The following GALNTL6 variants were observed in gnomAD, a reference collection of about 807,000 sequenced individuals.
The protein encoded by GALNTL6 is polypeptide N-acetylgalactosaminyltransferase-like 6.
Under a neutral mutation model 73.7 loss-of-function variants are expected in GALNTL6, and 46 were observed. That is an observed-to-expected ratio of 0.62 (90% CI 0.49 to 0.80). GALNTL6 has a LOEUF of 0.80. GALNTL6 is among the 30% of genes least tolerant of loss of function. The probability of loss-of-function intolerance (pLI) is 0.00; values close to 1 mark genes in which losing one functional copy is unlikely to be tolerated. For synonymous variants in GALNTL6, 259 were observed against 263.7 expected (o/e 0.98, Z 0.17); for missense variants, 604 against 755.0 (o/e 0.80, Z 2.34).
At chr4:172,067,144 A>G (rs1731389809) in intron 2 of GALNTL6, among the ~76,000 whole-genome samples, 1 of 151,766 alleles carries the variant, frequency 6.6e-6, no homozygotes, top group Non-Finnish European at 1.5e-5. Context: ...GATCAACTAG[A>G]TCATACATTC....
intron 2 of GALNTL6, among the ~76,000 whole-genome samples, chr4:172,190,675 C>T (rs1579234091): frequency 6.6e-6 from 1 of 152,224 alleles, no homozygotes; most frequent in East Asian, 1.9e-4. Flanking sequence ...CCATATGGGC[C>T]TCAAAGGCCA....
chr4:172,842,300 T>C (rs547826639), intron 7 of GALNTL6, among the ~76,000 whole-genome samples: 2 of 152,304 alleles, frequency 1.3e-5, no homozygotes, highest in Non-Finnish European at 2.9e-5. Flanking sequence ...ACATCAGAAA[T>C]GTAGAAGACA....
At chr4:172,975,798 G>A (rs1440607586) in intron 10 of GALNTL6, among the ~76,000 whole-genome samples, 1 of 152,136 alleles carries the variant, frequency 6.6e-6, no homozygotes, top group African/African-American at 2.4e-5. Context: ...ACCCAGCCAG[G>A]TCACAGCCAC....
At chr4:171,996,667 G>A (rs765280965) in intron 2 of GALNTL6, among the ~76,000 whole-genome samples, 7 of 148,206 alleles carry the variant, frequency 4.7e-5, no homozygotes, top group Admixed American at 2.7e-4. Context: ...GGCCACATTC[G>A]AGGAAGAAAC....
At chr4:172,297,704 G>C (rs1349525292) in intron 3 of GALNTL6, among the ~76,000 whole-genome samples, 3 of 152,068 alleles carry the variant, frequency 2.0e-5, no homozygotes, top group Non-Finnish European at 2.9e-5. Context: ...CTGTTCCATT[G>C]ATCTATATCT....
chr4:172,055,765 A>G (rs866597691), intron 2 of GALNTL6, among the ~76,000 whole-genome samples: 1 of 152,278 alleles, frequency 6.6e-6, no homozygotes, highest in Middle Eastern at 3.4e-3. Flanking sequence ...AGCTTTGACA[A>G]CTTCTGAGTT....
intron 3 of GALNTL6, among the ~76,000 whole-genome samples, chr4:172,287,306 A>AG (rs1373354985): frequency 6.6e-6 from 1 of 152,160 alleles, no homozygotes; most frequent in Non-Finnish European, 1.5e-5. Context: ...CCATGCAACT[A>AG]GGGCTACCAA....
chr4:172,951,019 TCA>T, intron 9 of GALNTL6, among the ~76,000 whole-genome samples: 1 of 152,346 alleles, frequency 6.6e-6, no homozygotes, highest in African/African-American at 2.4e-5. Flanking sequence ...TGAAGGCACA[TCA>T]GAGAGCATCT....
At chr4:172,026,410 G>A (rs1296058081) in intron 2 of GALNTL6, among the ~76,000 whole-genome samples, 1 of 152,060 alleles carries the variant, frequency 6.6e-6, no homozygotes, top group Non-Finnish European at 1.5e-5. Context: ...AACAAATTTT[G>A]TAATCAGAAA....
At chr4:172,085,378 C>A (rs895582723) in intron 2 of GALNTL6, among the ~76,000 whole-genome samples, 12 of 152,058 alleles carry the variant, frequency 7.9e-5, no homozygotes, top group African/African-American at 2.9e-4. Context: ...CATACGTTTC[C>A]ATTATGTGAT....
intron 10 of GALNTL6, among the ~76,000 whole-genome samples, chr4:172,975,072 G>A (rs1361372063): frequency 6.6e-6 from 1 of 152,214 alleles, no homozygotes; most frequent in Non-Finnish European, 1.5e-5. Context: ...GGGGATGGGT[G>A]TGTGTTTCAA....
intron 5 of GALNTL6, among the ~76,000 whole-genome samples, chr4:172,427,168 C>A (rs1731262429): frequency 1.3e-5 from 2 of 152,080 alleles, no homozygotes; most frequent in Admixed American, 6.6e-5. Context: ...CTGCTTCACG[C>A]TGCTCATAAA....
chr4:172,151,960 AT>A (rs1734102227), intron 2 of GALNTL6, among the ~76,000 whole-genome samples: 6 of 150,664 alleles, frequency 4.0e-5, no homozygotes, highest in African/African-American at 1.2e-4. Flanking sequence ...CTATCTATCT[AT>A]CTATCTATCT....
intron 7 of GALNTL6, among the ~76,000 whole-genome samples, chr4:172,822,793 C>T (rs148482374): frequency 6.4e-4 from 98 of 152,142 alleles, no homozygotes; most frequent in African/African-American, 2.3e-3. Context: ...TTTTTTGGTC[C>T]ATTTACCTGT....
intron 5 of GALNTL6, among the ~76,000 whole-genome samples, chr4:172,582,740 A>G (rs1737240620): frequency 7.9e-6 from 1 of 126,014 alleles, no homozygotes; most frequent in Non-Finnish European, 1.7e-5. Flanking sequence ...GAAATCACAC[A>G]CACACAGACA....
rs569616773 is a variant in GALNTL6, at chr4:171,857,302, G to C, written c.138+42584G>C. 2.0e-3 allele frequency among the ~76,000 whole-genome samples: 298 copies of C among 152,128 alleles called. 2 individuals carry two copies. The highest frequency in any genetic ancestry group is 7.0e-3 in the African/African-American group (289 of 41,492). On this transcript the variant is annotated intron_variant, in intron 2 of 12. Coordinates refer to ENST00000506823, the MANE Select transcript of GALNTL6 (RefSeq NM_001034845.3). ...GTATATTGAACCAAATTCCTCTGTG[G>C]AATATTACCCCGAAAAATGCTCAGT...
chr4:172,522,647 G>T (rs1734815131), intron 5 of GALNTL6, among the ~76,000 whole-genome samples: 1 of 147,384 alleles, frequency 6.8e-6, no homozygotes, highest in Admixed American at 7.0e-5. Context: ...TCCAGCCTGG[G>T]TAACGAGTGA....
intron 3 of GALNTL6, among the ~76,000 whole-genome samples, chr4:172,266,652 CATT>C (rs571370094): frequency 4.6e-5 from 7 of 151,854 alleles, no homozygotes; most frequent in Admixed American, 6.6e-5. Context: ...CCAGTAAAAA[CATT>C]ATCACCCTAA....
At chr4:172,557,482 T>G (rs1356705556) in intron 5 of GALNTL6, among the ~76,000 whole-genome samples, 1 of 152,178 alleles carries the variant, frequency 6.6e-6, no homozygotes, top group Non-Finnish European at 1.5e-5. Context: ...AGAAAATATT[T>G]GCAATACTTA....
Sources: allele counts gnomAD v4.1 joint callset (sites outside exome capture counted in the v4.1 genomes callset), GRCh38; gene constraint gnomAD v4.1.1; transcripts MANE v1.5; gene names NCBI Gene and HGNC (gene_info 2026-07-23, HGNC 2026-07-21).